Variants in MGRN1 observed in about 807,000 individuals in gnomAD.
The protein encoded by MGRN1 is E3 ubiquitin-protein ligase MGRN1.
A neutral mutation model predicts 69.2 loss-of-function variants in MGRN1; 29 were observed. The ratio of observed to expected loss-of-function variants is 0.42; its 90% confidence interval spans 0.31 to 0.57. The LOEUF (loss-of-function observed/expected upper bound fraction) is 0.57, where lower values mean the gene tolerates loss of function less well. MGRN1 is among the 20% of genes least tolerant of loss of function. The pLI, the probability that MGRN1 is intolerant of heterozygous loss-of-function variation, is 0.15. For missense variants in MGRN1, 998 were observed against 796.2 expected (o/e 1.25, Z -3.05); for synonymous variants, 470 against 344.2 (o/e 1.37, Z -4.04).
chr16:4,650,499 GC>G lies in MGRN1; in HGVS notation c.207+17del. 1 of 1,586,786 alleles carries G rather than the reference GC, an allele frequency of 6.3e-7. No individual in the cohort carries two copies. The highest frequency in any genetic ancestry group is 8.6e-7 in the Non-Finnish European group (1 of 1,164,380). ...CCCGGTCCAGGTGGGTCTGGACAGGGCTGTCTCATGGGGCTGTGGGGGTGGG... is the reference window on the plus strand; with the variant it reads ...CCCGGTCCAGGTGGGTCTGGACAGGGTGTCTCATGGGGCTGTGGGGGTGGG... On this transcript the variant is annotated intron_variant, in intron 2 of 16. Transcript: ENST00000262370.
At chr16:4,655,075 C>G (rs2078502087) in intron 4 of MGRN1, among the ~76,000 whole-genome samples, 1 of 152,206 alleles carries the variant, frequency 6.6e-6, no homozygotes, top group African/African-American at 2.4e-5. Context: ...CCTCCTTGCA[C>G]CCCACTGCTT....
chr16:4,666,028 C>G (rs888375775), intron 7 of MGRN1, among the ~76,000 whole-genome samples: 1 of 152,068 alleles, frequency 6.6e-6, no homozygotes, highest in Admixed American at 6.5e-5. Flanking sequence ...GACAGGGTTT[C>G]ACTGTGCTAG....
chr16:4,645,269 C>A (rs2078250700), intron 1 of MGRN1, among the ~76,000 whole-genome samples: 1 of 152,054 alleles, frequency 6.6e-6, no homozygotes, highest in Non-Finnish European at 1.5e-5. Flanking sequence ...CTCAAGCGAT[C>A]TTCCTGCCTC....
At chr16:4,686,988 C>T (rs988132055) in intron 16 of MGRN1, 10 of 985,398 alleles carry the variant, frequency 1.0e-5, no homozygotes, top group African/African-American at 3.5e-5. Context: ...GTCCTGAGGG[C>T]GTCCGCTCAC....
intron 16 of MGRN1, chr16:4,686,145 T>G: frequency 7.2e-6 from 9 of 1,254,608 alleles, no homozygotes; most frequent in Non-Finnish European, 8.8e-6. Context: ...AGCAGAGTGT[T>G]TGTTTCTAGA....
intron 7 of MGRN1, among the ~76,000 whole-genome samples, chr16:4,666,311 T>C (rs989050788): frequency 1.8e-4 from 27 of 152,120 alleles, no homozygotes; most frequent in African/African-American, 6.5e-4. Context: ...AAAAATTTTT[T>C]TGTAGAGAAG....
chr16:4,643,547 A>G (rs1221920146), intron 1 of MGRN1, among the ~76,000 whole-genome samples: 7 of 145,396 alleles, frequency 4.8e-5, no homozygotes, highest in Admixed American at 7.1e-5. Flanking sequence ...AATTTTTTGT[A>G]TTTTTTAGTA....
intron 1 of MGRN1, among the ~76,000 whole-genome samples, chr16:4,625,462 G>C (rs979530007): frequency 6.6e-6 from 1 of 152,244 alleles, no homozygotes; most frequent in Non-Finnish European, 1.5e-5. Context: ...GCTTTCTTTA[G>C]TGGCTTGGTG....
intron 11 of MGRN1, among the ~76,000 whole-genome samples, chr16:4,678,758 C>T (rs1171888235): frequency 5.3e-5 from 8 of 152,304 alleles, no homozygotes; most frequent in South Asian, 4.2e-4. Flanking sequence ...TGTTATGAGC[C>T]GTTGGTTCTT....
chr16:4,632,007 C>CTTTTTTTTTTTTTTTTT (rs869090061), intron 1 of MGRN1, among the ~76,000 whole-genome samples: 2 of 64,836 alleles, frequency 3.1e-5, no homozygotes, highest in African/African-American at 6.9e-5. Flanking sequence ...AAAAAATTTC[C>CTTTTTTTTTTTTTTTTT]TTTTTTTTTT....
chr16:4,671,945 G>A (rs911635842), intron 9 of MGRN1, among the ~76,000 whole-genome samples: 1 of 152,208 alleles, frequency 6.6e-6, no homozygotes, highest in Admixed American at 6.5e-5. Flanking sequence ...TCACTCTGCT[G>A]CTCAGGCTGT....
intron 8 of MGRN1, among the ~76,000 whole-genome samples, chr16:4,668,585 GAC>G (rs1473374078): frequency 1.3e-5 from 2 of 149,290 alleles, no homozygotes; most frequent in Non-Finnish European, 3.0e-5. Context: ...ATACAGACAC[GAC>G]ACTCATACAC....
chr16:4,661,781 C>T (rs943764476), intron 5 of MGRN1, among the ~76,000 whole-genome samples: 1 of 152,256 alleles, frequency 6.6e-6, no homozygotes, highest in East Asian at 1.9e-4. Context: ...GACCCTTCCT[C>T]GTGAGATGCG....
In MGRN1 at chr16:4,668,319, C is replaced by G; in HGVS notation, c.726+7C>G. 1.2e-6 allele frequency: 2 copies of G among 1,613,738 alleles called. No individual in the cohort carries two copies. The highest frequency in any genetic ancestry group is 2.2e-5 in the South Asian group (2 of 91,050). The stretch of plus-strand genomic sequence containing the variant: ...TTTAAAGCAGAAGCAAATTGTAAGT[C>G]ATCAGAGGAAATATGACGTGCTTGA... On this transcript the variant is annotated splice_region_variant and intron_variant, in intron 8 of 16. Transcript: ENST00000262370.
chr16:4,657,430 C>T, intron 5 of MGRN1, 67 bp downstream of exon 5: 2 of 1,463,210 alleles, frequency 1.4e-6, no homozygotes, highest in South Asian at 1.1e-5. Flanking sequence ...GGGGTGGGGC[C>T]AGCACAGTGG....
At chr16:4,668,343 G>A (rs2078851969) in intron 8 of MGRN1, 31 bp downstream of exon 8, 1 of 1,610,252 alleles carries the variant, frequency 6.2e-7, no homozygotes, top group African/African-American at 1.3e-5. Flanking sequence ...TGACGTGCTT[G>A]AATTAAAAGA....
At position 4,681,749 on chromosome 16, in the gene MGRN1, G is replaced by A. The variant is rs779175061; in HGVS notation, c.1331G>A (p.Gly444Asp). The A allele has an allele frequency of 6.2e-6, 10 of 1,612,458 alleles. No individual in the cohort carries two copies. In the South Asian group the frequency reaches 9.9e-5, roughly 16 times the overall value. Residue 444 changes from glycine (G) to aspartate (D), a missense_variant, in exon 13 of 17, where the codon GGC (glycine) becomes GAC (aspartate). Transcript: ENST00000262370. Reference sequence around the variant, plus strand: ...ATCCTGGACAGCAGCCGCCAGAAGGGCAGGCCGCAGAGCAAGGCCCCCGAC... The same window carrying A: ...ATCCTGGACAGCAGCCGCCAGAAGGACAGGCCGCAGAGCAAGGCCCCCGAC... ...DHILDSSRQK[G>D]RPQSKAPDST... is the part of the protein sequence containing the mutation.
intron 11 of MGRN1, among the ~76,000 whole-genome samples, chr16:4,678,818 A>C (rs1324667990): frequency 6.6e-6 from 1 of 152,206 alleles, no homozygotes; most frequent in Admixed American, 6.5e-5. Context: ...AGCCCTGAGG[A>C]CTGGCGTTCA....
chr16:4,650,732 G>C (rs1399122878), intron 2 of MGRN1: 7 of 375,626 alleles, frequency 1.9e-5, no homozygotes, highest in African/African-American at 1.5e-4. Context: ...ATACTGAATG[G>C]GTGCGTCTGG....
Sources: allele counts gnomAD v4.1 joint callset (sites outside exome capture counted in the v4.1 genomes callset), GRCh38; gene constraint gnomAD v4.1.1; transcripts MANE v1.5; gene names NCBI Gene and HGNC (gene_info 2026-07-23, HGNC 2026-07-21).